FAM13A: variants seen among roughly 807,000 people sequenced by gnomAD.
FAM13A encodes family with sequence similarity 13 member A, also known as protein FAM13A.
FAM13A carries 76 observed loss-of-function variants against 129.6 expected under a neutral mutation model. That is an observed-to-expected ratio of 0.59 (90% CI 0.49 to 0.71). The LOEUF is 0.71. Ranked by LOEUF, FAM13A falls within the 30% of genes least tolerant of loss-of-function variation. The probability of loss-of-function intolerance (pLI) is 0.00; values close to 1 mark genes in which losing one functional copy is unlikely to be tolerated. For synonymous variants in FAM13A, 443 were observed against 449.9 expected, an observed-to-expected ratio of 0.98 and a Z score of 0.20; for missense variants, 1,108 against 1,249.3, an observed-to-expected ratio of 0.89 and a Z score of 1.70.
chr4:88,837,367 T>C (rs901152439), intron 7 of FAM13A, among the ~76,000 whole-genome samples: 10 of 152,068 alleles, frequency 6.6e-5, no homozygotes, highest in Non-Finnish European at 1.5e-4. Context: ...TATATGTCAA[T>C]AGATACAGCC....
At chr4:89,003,053 C>A (rs1034259305) in intron 3 of FAM13A, among the ~76,000 whole-genome samples, 3 of 151,934 alleles carry the variant, frequency 2.0e-5, no homozygotes, top group Admixed American at 2.0e-4. Flanking sequence ...AAAATACTTT[C>A]CAATCTGATG....
At chr4:88,768,515 A>G (rs1746143869) in intron 11 of FAM13A, 1 of 155,674 alleles carries the variant, frequency 6.4e-6, no homozygotes, top group Non-Finnish European at 1.4e-5. Context: ...ACATTTATGT[A>G]TATTCAGTGT....
chr4:88,976,516 C>T (rs920411238), intron 4 of FAM13A, among the ~76,000 whole-genome samples: 1 of 152,058 alleles, frequency 6.6e-6, no homozygotes, highest in Non-Finnish European at 1.5e-5. Context: ...CAGTCATGTG[C>T]CACATGACAT....
rs763938076 is a variant in FAM13A, at chr4:88,805,024, G to A, written c.1036C>T (p.Pro346Ser). Residue 346 changes from proline to serine, a missense_variant, in exon 8 of 24, where the codon CCT (proline) becomes TCT (serine). Around this residue, in one of 3 missense-constraint regions of FAM13A, gnomAD observed 566 missense variants for 595.7 expected, o/e 0.95. Transcript: ENST00000264344. ...TCAAATAAATACCTCAAATAGAAAG[G>A]TGACAGAGGTCTTTCATCTTCCTGT... ...SSQEDERPLS[P>S]FYLSAHVPQV... 1 of 1,556,542 alleles carries A rather than the reference G, an allele frequency of 6.4e-7. No homozygotes were observed. The highest frequency in any genetic ancestry group is 1.1e-5 in the South Asian group (1 of 88,902).
intron 11 of FAM13A, among the ~76,000 whole-genome samples, chr4:88,776,277 C>T (rs1721694904): frequency 6.6e-6 from 1 of 152,144 alleles, no homozygotes; most frequent in South Asian, 2.1e-4. Context: ...CATATGCATG[C>T]ACTGTAGATA....
chr4:88,766,671 A>T (rs1346563047), intron 13 of FAM13A, among the ~76,000 whole-genome samples: 1 of 152,206 alleles, frequency 6.6e-6, no homozygotes, highest in African/African-American at 2.4e-5. Context: ...TGTGGTTGTC[A>T]TTAAATCCCA....
At chr4:88,734,236 C>A (rs200827121) in intron 21 of FAM13A, among the ~76,000 whole-genome samples, 1 of 152,124 alleles carries the variant, frequency 6.6e-6, no homozygotes, top group Admixed American at 6.5e-5. Flanking sequence ...GCAGACCCTA[C>A]GAAAGGAAAG....
chr4:89,044,791 A>T (rs1324355590), intron 1 of FAM13A, among the ~76,000 whole-genome samples: 1 of 152,156 alleles, frequency 6.6e-6, no homozygotes, highest in Non-Finnish European at 1.5e-5. Context: ...GAACCCTGAA[A>T]GCATTATGCA....
In FAM13A at chr4:88,728,602, G is replaced by A. The variant is rs955259348; in HGVS notation, c.3003C>T (p.His1001=). 8.1e-6 allele frequency: 13 copies of A among 1,614,016 alleles called. No homozygotes were observed. The highest frequency in any genetic ancestry group is 1.0e-5 in the Non-Finnish European group (12 of 1,179,990). The stretch of plus-strand genomic sequence containing the variant: ...CCAGGAGCCTCAGTTTCGCCTTTAT[G>A]TGCTTATATTCACTGTATTCTTCAG... ...PMAEEYSEYK[H]IKAKLRLLEV... The change falls in exon 24 of 24, where the codon CAC becomes CAT. Residue 1001 remains histidine (H), a synonymous_variant. Transcript: ENST00000264344.
chr4:89,033,999 T>C (rs1440919231), intron 1 of FAM13A, among the ~76,000 whole-genome samples: 3 of 152,110 alleles, frequency 2.0e-5, no homozygotes, highest in Admixed American at 6.5e-5. Flanking sequence ...CTAGGAAATA[T>C]CCTTGCGAAC....
At chr4:88,848,902 C>T (rs1737110625) in intron 7 of FAM13A, among the ~76,000 whole-genome samples, 1 of 152,200 alleles carries the variant, frequency 6.6e-6, no homozygotes, top group Non-Finnish European at 1.5e-5. Flanking sequence ...TCCACTGCTA[C>T]ACTTGCAGTT....
Position 88,737,239 on chromosome 4 carries a change from A to AG in FAM13A, c.2646+232dup, listed in dbSNP as rs1007309375. On this transcript the variant is annotated intron_variant, in intron 21 of 23. Coordinates refer to ENST00000264344, the MANE Select transcript of FAM13A (RefSeq NM_014883.4). ...AACAACAACAGACAATACAAAAAAG[A>AG]GGGGGGGAATAAAATGAAACCAAAG... Among the ~76,000 whole-genome samples the AG allele has an allele frequency of 3.9e-5, 6 of 152,282 alleles. No individual in the cohort carries two copies. In the Middle Eastern group the frequency reaches 0.01, roughly 261 times the overall value.
intron 4 of FAM13A, among the ~76,000 whole-genome samples, chr4:88,945,984 GTGTGTGTA>G (rs1197321632): frequency 5.0e-4 from 13 of 25,884 alleles, no homozygotes; most frequent in African/African-American, 2.3e-3. Context: ...GTGTGTGTGT[GTGTGTGTA>G]TATATATATA....
At chr4:88,930,485 G>A (rs1752862519) in intron 5 of FAM13A, among the ~76,000 whole-genome samples, 1 of 152,124 alleles carries the variant, frequency 6.6e-6, no homozygotes, top group African/African-American at 2.4e-5. Context: ...TTTCCTAGGT[G>A]GCTTAGAGTA....
At chr4:89,016,889 C>T (rs1170864658) in intron 3 of FAM13A, among the ~76,000 whole-genome samples, 4 of 152,204 alleles carry the variant, frequency 2.6e-5, no homozygotes, top group African/African-American at 9.6e-5. Flanking sequence ...CCCACCTCAG[C>T]TCCCAAAAGT....
At chr4:88,960,333 A>G (rs1758404360) in intron 4 of FAM13A, among the ~76,000 whole-genome samples, 1 of 152,242 alleles carries the variant, frequency 6.6e-6, no homozygotes, top group Admixed American at 6.5e-5. Flanking sequence ...TCAGTGAGAA[A>G]GACAGTTTTT....
chr4:88,816,634 T>C (rs1730788897), intron 7 of FAM13A, among the ~76,000 whole-genome samples: 1 of 152,196 alleles, frequency 6.6e-6, no homozygotes, highest in South Asian at 2.1e-4. Context: ...TTTTTATCTT[T>C]TGAATGACAA....
At chr4:89,043,213 G>A in intron 1 of FAM13A, among the ~76,000 whole-genome samples, 1 of 152,128 alleles carries the variant, frequency 6.6e-6, no homozygotes, top group East Asian at 1.9e-4. Flanking sequence ...GAGAAGAGGC[G>A]GGAGAAGGTA....
At chr4:89,023,218 T>C (rs990085197) in intron 2 of FAM13A, among the ~76,000 whole-genome samples, 3 of 152,212 alleles carry the variant, frequency 2.0e-5, no homozygotes, top group African/African-American at 7.2e-5. Flanking sequence ...CTGTCTCCTC[T>C]ACTATACAAA....
Sources: allele counts gnomAD v4.1 joint callset (sites outside exome capture counted in the v4.1 genomes callset), GRCh38; gene constraint gnomAD v4.1.1; regional missense constraint gnomAD v4.1.1; transcripts MANE v1.5; gene names NCBI Gene and HGNC (gene_info 2026-07-23, HGNC 2026-07-21).